ABCA8: variants seen among roughly 807,000 people sequenced by gnomAD.
ABCA8 encodes ATP binding cassette subfamily A member 8, also known as ABC-type organic anion transporter ABCA8.
Under a neutral mutation model 192.3 loss-of-function variants are expected in ABCA8, and 177 were observed. That is an observed-to-expected ratio of 0.92 (90% confidence interval 0.81 to 1.04). ABCA8 has a LOEUF of 1.04. Among genes scored for constraint, ABCA8 ranks in the 50% least tolerant of loss-of-function variants. The pLI is 0.00. For missense variants in ABCA8, 1,915 were observed against 1,904.8 expected (o/e 1.01, Z -0.10); for synonymous variants, 642 against 690.2 (o/e 0.93, Z 1.09).
intron 7 of ABCA8, among the ~76,000 whole-genome samples, chr17:68,930,363 C>T (rs1413099339): frequency 6.6e-6 from 1 of 152,166 alleles, no homozygotes; most frequent in African/African-American, 2.4e-5. Context: ...ACATACTTGC[C>T]TTTAGTTCCG....
intron 4 of ABCA8, among the ~76,000 whole-genome samples, chr17:68,939,726 A>G (rs2068172820): frequency 6.6e-6 from 1 of 152,074 alleles, no homozygotes; most frequent in Non-Finnish European, 1.5e-5. Context: ...CTGCTCTTTT[A>G]AGCTAGACAA....
chr17:68,869,698 A>G lies in ABCA8; in HGVS notation c.4711+2T>C. ...GTCGTACTTCAAAGTCATACTTCTT[A>G]CCCTTCTCTAATTTGAAGAAAGCTT... is the stretch of plus-strand genomic sequence containing the variant. On this transcript the variant is annotated splice_donor_variant, in intron 38 of 39. Transcript: ENST00000586539. LOFTEE classifies it high-confidence loss of function. 1 of 1,601,034 alleles carries G rather than the reference A, an allele frequency of 6.2e-7. No individual in the cohort carries two copies. Among genetic ancestry groups the G allele is most frequent in the Non-Finnish European group, 8.6e-7 (1 of 1,168,296 alleles).
intron 14 of ABCA8, 60 bp downstream of exon 14, chr17:68,919,241 T>G (rs2067471421): frequency 7.0e-7 from 1 of 1,435,262 alleles, no homozygotes; most frequent in Admixed American, 2.1e-5. Context: ...TAAAACTCAG[T>G]GCAAATGGTT....
intron 17 of ABCA8, among the ~76,000 whole-genome samples, chr17:68,909,886 C>A (rs2067188800): frequency 1.3e-5 from 2 of 151,974 alleles, no homozygotes; most frequent in Admixed American, 1.3e-4. Flanking sequence ...CAAAAACGAC[C>A]AATCATGTAA....
intron 11 of ABCA8, 93 bp from the exon 12 acceptor site, chr17:68,922,393 G>T: frequency 5.7e-6 from 5 of 873,506 alleles, no homozygotes; most frequent in Non-Finnish European, 8.5e-6. Flanking sequence ...TTAACTTCAG[G>T]ATACATGAAG....
chr17:68,918,968 G>A (rs1266007234), intron 14 of ABCA8, among the ~76,000 whole-genome samples: 1 of 146,408 alleles, frequency 6.8e-6, no homozygotes, highest in Non-Finnish European at 1.5e-5. Context: ...ACAAACACTG[G>A]AGCCAAACTT....
At chr17:68,885,468 C>T (rs2066433597) in intron 26 of ABCA8, among the ~76,000 whole-genome samples, 153 bp from the exon 27 acceptor site, 1 of 152,076 alleles carries the variant, frequency 6.6e-6, no homozygotes, top group African/African-American at 2.4e-5. Context: ...ATTTTAGTGA[C>T]TTAGCCAAAT....
chr17:68,914,956 G>A (rs1459523697), intron 17 of ABCA8, among the ~76,000 whole-genome samples: 1 of 152,088 alleles, frequency 6.6e-6, no homozygotes, highest in East Asian at 1.9e-4. Context: ...TAGACCAGTG[G>A]AACAGAATAG....
chr17:68,947,194 T>C lies in ABCA8; in HGVS notation c.-6+2118A>G, dbSNP rs192718638. Among the ~76,000 whole-genome samples the C allele has an allele frequency of 2.2e-3, 336 of 152,346 alleles. 1 individual carries two copies. The highest frequency in any genetic ancestry group is 3.4e-3 in the Non-Finnish European group (230 of 68,022). On this transcript the variant is annotated intron_variant, in intron 2 of 39. Transcript: ENST00000586539. ...AAAATGTTTATGGTATTGAGTTTTC[T>C]TCTACATGGACATTAGATATTTTCT...
At chr17:68,908,152 A>C (rs115085607) in intron 17 of ABCA8, among the ~76,000 whole-genome samples, 2,575 of 152,286 alleles carry the variant, frequency 0.017, 39 homozygotes, top group African/African-American at 0.045. Flanking sequence ...GAGAAGTTTC[A>C]TATTGATTGA....
At chr17:68,913,492 TAAAAA>T (rs1041636128) in intron 17 of ABCA8, among the ~76,000 whole-genome samples, 1 of 147,868 alleles carries the variant, frequency 6.8e-6, no homozygotes, top group South Asian at 2.1e-4. Flanking sequence ...TTAGCCAGAC[TAAAAA>T]AAAGAAAAAA....
At chr17:68,882,504 G>A (rs2066360042) in intron 30 of ABCA8, 95 bp downstream of exon 30, 4 of 1,147,314 alleles carry the variant, frequency 3.5e-6, no homozygotes, top group Non-Finnish European at 4.7e-6. Context: ...TACTAAAATA[G>A]TGATCCTCAT....
At chr17:68,870,698 T>G (rs1160840917) in intron 37 of ABCA8, among the ~76,000 whole-genome samples, 1 of 152,244 alleles carries the variant, frequency 6.6e-6, no homozygotes, top group East Asian at 1.9e-4. Context: ...GGTCAGATAG[T>G]ATTTCATTAC....
At position 68,877,676 on chromosome 17, in the gene ABCA8, GCACCTGCA is replaced by G. The variant is rs1567820881; in HGVS notation, c.4039-5_4041del. On this transcript the variant is annotated splice_acceptor_variant and splice_polypyrimidine_tract_variant and coding_sequence_variant and intron_variant, in exon 33 of 40. Transcript: ENST00000586539. LOFTEE classifies it high-confidence loss of function. ...TCCCCTCCACCGCTCCCTTTCAGTA[GCACCTGCA>G]GATGAAAGTTCCCTCTCAGAACCTA... The G allele has an allele frequency of 1.2e-6, 2 of 1,608,296 alleles. No homozygotes were observed. The highest frequency in any genetic ancestry group is 1.7e-6 in the Non-Finnish European group (2 of 1,176,732).
chr17:68,921,740 A>C (rs1342398189), intron 12 of ABCA8, among the ~76,000 whole-genome samples: 1 of 152,252 alleles, frequency 6.6e-6, no homozygotes, highest in Non-Finnish European at 1.5e-5. Context: ...TGAATGAAAC[A>C]TATCTATATA....
chr17:68,907,940 A>G, intron 17 of ABCA8, 61 bp from the exon 18 acceptor site: 1 of 1,437,870 alleles, frequency 7.0e-7, no homozygotes, highest in African/African-American at 1.4e-5. Context: ...AATAGCAAGA[A>G]AATAATTAAC....
chr17:68,937,291 C>G (rs1375091185), intron 4 of ABCA8, among the ~76,000 whole-genome samples, 176 bp from the exon 5 acceptor site: 1 of 151,984 alleles, frequency 6.6e-6, no homozygotes, highest in African/African-American at 2.4e-5. Flanking sequence ...AAAGTTCCAT[C>G]TAGATGCAAT....
At position 68,903,343 on chromosome 17, in the gene ABCA8, C is replaced by T. The variant is rs762433116; in HGVS notation, c.2555G>A (p.Arg852His). ...TCTTTCATGCTTTAACTTTAACAAG[C>T]GAACCCTTGCAATTGCGCAGATTTG... ...RQQICAIARV[R>H]LLKLKHERKA... is the part of the protein sequence containing the mutation. Residue 852 changes from arginine (R) to histidine (H), a missense_variant, in exon 20 of 40, where the codon CGC becomes CAC. Coordinates refer to ENST00000586539, the MANE Select transcript of ABCA8 (RefSeq NM_001288985.2). The T allele has an allele frequency of 5.0e-6, 8 of 1,614,170 alleles. No individual in the cohort carries two copies. Among genetic ancestry groups the T allele is most frequent in the Admixed American group, 1.7e-5 (1 of 60,018 alleles).
At chr17:68,908,009 AAC>A (rs2067128030) in intron 17 of ABCA8, 130 bp from the exon 18 acceptor site, 2 of 874,084 alleles carry the variant, frequency 2.3e-6, no homozygotes, top group African/African-American at 1.7e-5. Context: ...AGGTCAGACA[AAC>A]ACAAAATAAG....
Sources: allele counts gnomAD v4.1 joint callset (sites outside exome capture counted in the v4.1 genomes callset), GRCh38; gene constraint gnomAD v4.1.1; transcripts MANE v1.5; gene names NCBI Gene and HGNC (gene_info 2026-07-23, HGNC 2026-07-21).